Variants in MYO6 observed in about 807,000 individuals in gnomAD.
MYO6 encodes myosin VI.
A neutral mutation model predicts 178.7 loss-of-function variants in MYO6; 74 were observed. That is an observed-to-expected ratio of 0.41 (90% CI 0.34 to 0.50). The LOEUF (loss-of-function observed/expected upper bound fraction) is 0.50, where lower values mean the gene tolerates loss of function less well. Among genes scored for constraint, MYO6 ranks in the 20% least tolerant of loss-of-function variants. The probability of loss-of-function intolerance (pLI) is 0.09; values close to 1 mark genes in which losing one functional copy is unlikely to be tolerated. For missense variants in MYO6, 1,330 were observed against 1,547.4 expected (o/e 0.86, Z 2.36); for synonymous variants, 477 against 504.6 (o/e 0.95, Z 0.73).
At chr6:75,867,283 C>A in intron 18 of MYO6, 178 bp downstream of exon 18, 1 of 541,000 alleles carries the variant, frequency 1.8e-6, no homozygotes, top group Non-Finnish European at 3.2e-6. Flanking sequence ...ATTGAACATA[C>A]AGAAATGCTT....
intron 28 of MYO6, among the ~76,000 whole-genome samples, chr6:75,893,853 A>C (rs1779094730): frequency 6.6e-6 from 1 of 152,214 alleles, no homozygotes; most frequent in Non-Finnish European, 1.5e-5. Flanking sequence ...ATTTCACTGT[A>C]ATTAAAATAT....
At chr6:75,780,606 C>T (rs1288387063) in intron 1 of MYO6, among the ~76,000 whole-genome samples, 1 of 152,152 alleles carries the variant, frequency 6.6e-6, no homozygotes, top group African/African-American at 2.4e-5. Context: ...CTTTAATCTT[C>T]TCTGAAACTT....
At chr6:75,860,223 G>C (rs1776088513) in intron 14 of MYO6, among the ~76,000 whole-genome samples, 1 of 151,996 alleles carries the variant, frequency 6.6e-6, no homozygotes, top group Non-Finnish European at 1.5e-5. Context: ...ATGTTTTTGT[G>C]GGCTTCCCAG....
intron 20 of MYO6, among the ~76,000 whole-genome samples, chr6:75,874,723 T>G (rs1204603431): frequency 6.6e-6 from 1 of 152,250 alleles, no homozygotes; most frequent in Non-Finnish European, 1.5e-5. Context: ...ATCTCATCTC[T>G]AAGCCACATT....
intron 30 of MYO6, among the ~76,000 whole-genome samples, chr6:75,899,436 G>T (rs1408730160): frequency 6.6e-6 from 1 of 151,862 alleles, no homozygotes; most frequent in Non-Finnish European, 1.5e-5. Context: ...AAAAATAAAA[G>T]GATTTTTTTT....
At chr6:75,754,288 A>C (rs1054849189) in intron 1 of MYO6, among the ~76,000 whole-genome samples, 1 of 152,168 alleles carries the variant, frequency 6.6e-6, no homozygotes, top group African/African-American at 2.4e-5. Context: ...TGGGAGGCCA[A>C]GGTGGGTGGA....
intron 1 of MYO6, among the ~76,000 whole-genome samples, chr6:75,779,056 C>CAAAA (rs142469441): frequency 9.3e-5 from 6 of 64,526 alleles, no homozygotes; most frequent in Non-Finnish European, 8.8e-5. Context: ...GACTTTGTCT[C>CAAAA]AAAAAAAAAA....
intron 20 of MYO6, 69 bp from the exon 21 acceptor site, chr6:75,879,751 A>G (rs927339182): frequency 6.2e-7 from 1 of 1,610,726 alleles, no homozygotes; most frequent in Admixed American, 1.7e-5. Context: ...TACAAAAATG[A>G]TCATTCACAA....
chr6:75,826,138 G>T (rs1420729865), intron 3 of MYO6, among the ~76,000 whole-genome samples: 1 of 152,180 alleles, frequency 6.6e-6, no homozygotes, highest in South Asian at 2.1e-4. Flanking sequence ...ACATACCTAG[G>T]TCATACCTTT....
At chr6:75,814,431 G>A (rs1431518055) in intron 1 of MYO6, among the ~76,000 whole-genome samples, 2 of 152,036 alleles carry the variant, frequency 1.3e-5, no homozygotes, top group African/African-American at 2.4e-5. Flanking sequence ...TTTTTGGGTG[G>A]ATAGTTGTTC....
chr6:75,832,952 G>GT lies in MYO6; in HGVS notation c.497+6dup, dbSNP rs1292657696. ...AAATACAAAATTTGTTCTAAGGTGAGTATTCAGCTAACTTGAAGTATTTGA... is the reference window on the plus strand; with the variant it reads ...AAATACAAAATTTGTTCTAAGGTGAGTTATTCAGCTAACTTGAAGTATTTGA... On this transcript the variant is annotated splice_donor_region_variant and intron_variant, in intron 6 of 34. Transcript: ENST00000369977. 2 of 1,584,768 alleles carry GT rather than the reference G, an allele frequency of 1.3e-6. No homozygotes were observed. The highest frequency in any genetic ancestry group is 1.7e-6 in the Non-Finnish European group (2 of 1,153,508).
intron 33 of MYO6, 33 bp downstream of exon 33, chr6:75,911,731 T>A (rs373617250): frequency 1.8e-5 from 29 of 1,601,486 alleles, no homozygotes; most frequent in Admixed American, 8.3e-5. Context: ...ATGAGCTAAC[T>A]GGAAGATGGG....
chr6:75,762,799 A>T (rs1341396294), intron 1 of MYO6, among the ~76,000 whole-genome samples: 1 of 152,238 alleles, frequency 6.6e-6, no homozygotes, highest in African/African-American at 2.4e-5. Context: ...TTTTAGTTAT[A>T]TACCTGTTAT....
intron 2 of MYO6, among the ~76,000 whole-genome samples, chr6:75,820,915 G>A (rs1386775709): frequency 1.3e-5 from 2 of 152,158 alleles, no homozygotes; most frequent in Non-Finnish European, 2.9e-5. Context: ...ATCTTCTCAA[G>A]TGCAGGGGCT....
intron 17 of MYO6, 146 bp from the exon 18 acceptor site, chr6:75,866,786 G>T: frequency 9.6e-7 from 1 of 1,042,810 alleles, no homozygotes; most frequent in Non-Finnish European, 1.5e-6. Context: ...CAGGTGCCCA[G>T]TGTCCACACT....
intron 1 of MYO6, among the ~76,000 whole-genome samples, chr6:75,767,216 G>T (rs1351733407): frequency 1.3e-5 from 2 of 151,842 alleles, no homozygotes; most frequent in Admixed American, 6.6e-5. Context: ...TAGTAGAGAC[G>T]AGTTTTACCA....
intron 1 of MYO6, among the ~76,000 whole-genome samples, chr6:75,757,789 G>C (rs75565601): frequency 0.016 from 2,500 of 151,950 alleles, 69 homozygotes; most frequent in African/African-American, 0.058. Context: ...ACCTGGTGTG[G>C]TTCTTATGAG....
Position 75,900,901 on chromosome 6 carries a change from G to A in MYO6, c.3176+2490G>A, listed in dbSNP as rs1209206678. ...TTAAGTCTTTAATCCATCTTGAATT[G>A]ATTTTTGTATAAGGTGTAAGGAAGG... is the stretch of plus-strand genomic sequence containing the variant. On this transcript the variant is annotated intron_variant, in intron 30 of 34. Transcript: ENST00000369977. Among the ~76,000 whole-genome samples the A allele has an allele frequency of 2.0e-5, 3 of 149,688 alleles. No individual in the cohort carries two copies. In the Admixed American group the frequency reaches 2.0e-4, roughly 10 times the overall value.
chr6:75,907,746 A>C, intron 31 of MYO6, 38 bp downstream of exon 31: 1 of 1,510,150 alleles, frequency 6.6e-7, no homozygotes, highest in East Asian at 2.3e-5. Flanking sequence ...GAAAATGTTC[A>C]TAGTGATAGG....
Sources: gnomAD v4.1 joint callset for allele counts (sites outside exome capture counted in the v4.1 genomes callset) on GRCh38, gnomAD v4.1.1 for gene constraint, MANE v1.5 for transcripts, NCBI Gene and HGNC (gene_info 2026-07-23, HGNC 2026-07-21) for gene names.